Variants in PCDHA1 observed in about 807,000 individuals in gnomAD.
PCDHA1 encodes protocadherin alpha 1.
A neutral mutation model predicts 61.3 loss-of-function variants in PCDHA1; 42 were observed. That is an observed-to-expected ratio of 0.69 (90% CI 0.54 to 0.89). The LOEUF (loss-of-function observed/expected upper bound fraction) is 0.89, where lower values mean the gene tolerates loss of function less well. Ranked by LOEUF, PCDHA1 falls within the 40% of genes least tolerant of loss-of-function variation. The pLI, the probability that PCDHA1 is intolerant of heterozygous loss-of-function variation, is 0.00. For synonymous variants in PCDHA1, 610 were observed against 553.8 expected (o/e 1.10, Z -1.43); for missense variants, 1,256 against 1,235.3 (o/e 1.02, Z -0.25).
chr5:140,924,057 T>C (rs1337031156), intron 1 of PCDHA1, among the ~76,000 whole-genome samples: 2 of 152,258 alleles, frequency 1.3e-5, no homozygotes, highest in Non-Finnish European at 2.9e-5. Context: ...GGTACATCTT[T>C]ACAGTTGTAT....
At chr5:140,841,244 G>C (rs2150312365) in intron 1 of PCDHA1, 34 of 1,496,206 alleles carry the variant, frequency 2.3e-5, no homozygotes, top group South Asian at 2.7e-5. Flanking sequence ...CAGCGGAATT[G>C]GATTAAAAGA....
At position 140,856,753 on chromosome 5, in the gene PCDHA1, T is replaced by C. The variant is rs373420913; in HGVS notation, c.2394+68069T>C. 311 of 1,596,470 alleles carry C rather than the reference T, an allele frequency of 1.9e-4. 24 individuals are homozygous for C. Among genetic ancestry groups the C allele is most frequent in the Non-Finnish European group, 2.6e-4 (309 of 1,166,472 alleles). On this transcript the variant is annotated intron_variant, in intron 1 of 3. Coordinates refer to ENST00000504120, the MANE Select transcript of PCDHA1 (RefSeq NM_018900.4). ...TGCTGATCCTGGTGTTAGATGCCAA[T>C]GATAACGCCCCTATCTTTGACAGAC...
At chr5:140,911,822 C>A (rs2075653935) in intron 1 of PCDHA1, among the ~76,000 whole-genome samples, 1 of 152,104 alleles carries the variant, frequency 6.6e-6, no homozygotes. Context: ...CTCCAGAAAC[C>A]CCAAAACCAA....
intron 1 of PCDHA1, among the ~76,000 whole-genome samples, chr5:140,907,719 C>A (rs2153502555): frequency 1.3e-5 from 2 of 152,330 alleles, no homozygotes; most frequent in South Asian, 4.1e-4. Flanking sequence ...CCATGTGTAA[C>A]CTCCATCCCT....
intron 1 of PCDHA1, among the ~76,000 whole-genome samples, chr5:140,896,577 G>A (rs1273423445): frequency 4.7e-5 from 7 of 149,554 alleles, no homozygotes; most frequent in African/African-American, 1.7e-4. Context: ...GGGTTTTGAC[G>A]TGTTGGCCAG....
Position 140,796,923 on chromosome 5 carries a change from C to A in PCDHA1, c.2394+8239C>A, listed in dbSNP as rs781882818. 9.3e-6 allele frequency: 15 copies of A among 1,613,854 alleles called. No homozygotes were observed. The South Asian group carries it at 1.6e-4, about 18-fold the overall frequency. ...ACCGCCTACTCGTGCTGGTGAAGGA[C>A]CACGGCGAACCAGCGTTGACAGCCA... On this transcript the variant is annotated intron_variant, in intron 1 of 3. Transcript: ENST00000504120.
At chr5:140,843,985 C>T (rs1171962814) in intron 1 of PCDHA1, among the ~76,000 whole-genome samples, 4 of 149,436 alleles carry the variant, frequency 2.7e-5, no homozygotes, top group Non-Finnish European at 6.0e-5. Context: ...TGCCTTACAG[C>T]CGTCTTCTCT....
chr5:140,827,945 A>C, intron 1 of PCDHA1: 1 of 1,217,964 alleles, frequency 8.2e-7, no homozygotes, highest in African/African-American at 1.5e-5. Flanking sequence ...GCTAGCCAAC[A>C]TTCAAATTTC....
At position 140,787,315 on chromosome 5, in the gene PCDHA1, A is replaced by G. The variant is rs782118685; in HGVS notation, c.1025A>G (p.Asp342Gly). The G allele has an allele frequency of 6.2e-7, 1 of 1,614,100 alleles. No individual in the cohort carries two copies. Among genetic ancestry groups the G allele is most frequent in the Non-Finnish European group, 8.5e-7 (1 of 1,180,028 alleles). The change falls in exon 1 of 4, where the codon GAT becomes GGT. Residue 342 changes from aspartate (D) to glycine (G), a missense_variant. Physicochemically the swap from Asp to Gly is moderately conservative, Grantham distance 94. Coordinates refer to ENST00000504120, the MANE Select transcript of PCDHA1 (RefSeq NM_018900.4). ...NHCKVLVKVLDVNDNAPELAV... is the reference protein window; with the variant it reads ...NHCKVLVKVLGVNDNAPELAV... ...TGTAAGGTTTTGGTGAAAGTGCTGG[A>G]TGTAAATGATAATGCTCCAGAACTG...
intron 1 of PCDHA1, chr5:140,877,179 G>T (rs1554169418): frequency 1.2e-6 from 2 of 1,613,830 alleles, no homozygotes. Flanking sequence ...TGGCGACTCC[G>T]GCTGGCAGCG....
intron 3 of PCDHA1, among the ~76,000 whole-genome samples, chr5:140,995,888 T>C (rs1307052037): frequency 3.3e-5 from 5 of 152,216 alleles, no homozygotes; most frequent in Non-Finnish European, 5.9e-5. Flanking sequence ...GCTTCAGATT[T>C]ATCAATGTAT....
intron 1 of PCDHA1, chr5:140,805,243 T>A (rs1763533232): frequency 7.6e-7 from 1 of 1,318,374 alleles, no homozygotes. Flanking sequence ...TCCCCATCTG[T>A]ACATTAAAAT....
intron 1 of PCDHA1, among the ~76,000 whole-genome samples, chr5:140,924,692 C>T (rs1421659285): frequency 2.0e-5 from 3 of 151,910 alleles, no homozygotes; most frequent in Admixed American, 6.6e-5. Flanking sequence ...GTCAGGAGTT[C>T]GAGACCAGCT....
rs148298330 is a variant in PCDHA1, at chr5:140,807,381, G to T, written c.2394+18697G>T. 92 of 1,603,524 alleles carry T rather than the reference G, an allele frequency of 5.7e-5. No individual in the cohort carries two copies. In the African/African-American group the frequency reaches 1.1e-3, roughly 19 times the overall value. On this transcript the variant is annotated intron_variant, in intron 1 of 3. Coordinates refer to ENST00000504120, the MANE Select transcript of PCDHA1 (RefSeq NM_018900.4). ...GCGGAGCTGGTGCCGCGCCTGTTCC[G>T]GGTGGCGTCCAAGGGCCGCGGAGGC... is the stretch of plus-strand genomic sequence containing the variant.
chr5:140,841,588 G>A (rs2150318650), intron 1 of PCDHA1: 2 of 1,614,070 alleles, frequency 1.2e-6, no homozygotes, highest in South Asian at 2.2e-5. Flanking sequence ...TGAATTCTCG[G>A]ATCGACCGCG....
intron 1 of PCDHA1, among the ~76,000 whole-genome samples, chr5:140,886,770 G>A (rs1554182701): frequency 6.8e-6 from 1 of 146,884 alleles, no homozygotes; most frequent in Non-Finnish European, 1.5e-5. Context: ...AGGTTGCAGT[G>A]AGATGAGATC....
rs782513302 is a variant in PCDHA1 at position 140,857,057 on chromosome 5, GTGGAACTAC to G, written c.2394+68378_2394+68386del. The stretch of plus-strand genomic sequence containing the variant: ...TATGGTTGGTCACTGCACGGTCCTA[GTGGAACTAC>G]TGGATGAAAATGATAATTCACCTGA... On this transcript the variant is annotated intron_variant, in intron 1 of 3. Coordinates refer to ENST00000504120, the MANE Select transcript of PCDHA1 (RefSeq NM_018900.4). 670 of 1,596,188 alleles carry G rather than the reference GTGGAACTAC, an allele frequency of 4.2e-4. 48 individuals are homozygous for G. The highest frequency in any genetic ancestry group is 2.0e-3 in the Middle Eastern group (12 of 5,996).
chr5:140,966,860 T>A, intron 1 of PCDHA1: 1 of 1,577,482 alleles, frequency 6.3e-7, no homozygotes, highest in Middle Eastern at 1.7e-4. Flanking sequence ...CCTGCTGCTG[T>A]TGCTGCTGCT....
chr5:140,876,976 C>G lies in PCDHA1; in HGVS notation c.2394+88292C>G, dbSNP rs782283591. 6 of 1,612,586 alleles carry G rather than the reference C, an allele frequency of 3.7e-6. No homozygotes were observed. In the Admixed American group the frequency reaches 5.0e-5, roughly 13 times the overall value. ...GCTGGTGGAGCGGCGGGTGGGCGAG[C>G]ACGCACTGTCGAGCTACGTGTCGGT... On this transcript the variant is annotated intron_variant, in intron 1 of 3. Transcript: ENST00000504120.
Sources: gnomAD v4.1 joint callset for allele counts (sites outside exome capture counted in the v4.1 genomes callset) on GRCh38, gnomAD v4.1.1 for gene constraint, MANE v1.5 for transcripts, NCBI Gene and HGNC (gene_info 2026-07-23, HGNC 2026-07-21) for gene names.